MAP1B: variants seen among roughly 807,000 people sequenced by gnomAD.
MAP1B encodes the protein microtubule-associated protein 1B.
MAP1B carries 12 observed loss-of-function variants against 176.1 expected under a neutral mutation model. The observed-to-expected ratio is 0.07, with a 90% confidence interval of 0.04 to 0.11. The LOEUF is 0.11. Among genes scored for constraint, MAP1B ranks in the 10% least tolerant of loss-of-function variants. MAP1B has a pLI of 1.00. For synonymous variants in MAP1B, 1,044 were observed against 1,135.0 expected, an observed-to-expected ratio of 0.92 and a Z score of 1.61; for missense variants, 2,523 against 2,990.5, an observed-to-expected ratio of 0.84 and a Z score of 3.65.
Position 72,196,487 on chromosome 5 carries a change from T to C in MAP1B, c.3132T>C (p.Tyr1044=), listed in dbSNP as rs749575018. 3.1e-6 allele frequency: 5 copies of C among 1,613,710 alleles called. No homozygotes were observed. The highest frequency in any genetic ancestry group is 4.2e-6 in the Non-Finnish European group (5 of 1,180,006). ...YEPEKMEAED[Y]VMAVVDKAAE... ...CGGAAAAAATGGAAGCTGAAGACTATGTGATGGCTGTGGTCGACAAGGCTG... is the reference window on the plus strand; with the variant it reads ...CGGAAAAAATGGAAGCTGAAGACTACGTGATGGCTGTGGTCGACAAGGCTG... Residue 1044 remains tyrosine (Y), a synonymous_variant, in exon 5 of 7, where the codon TAT becomes TAC. Coordinates refer to ENST00000296755, the MANE Select transcript of MAP1B (RefSeq NM_005909.5). This position sits in a 1 kb window ranked among gnomAD's most constrained non-coding sequence, Gnocchi z 5.3.
intron 2 of MAP1B, among the ~76,000 whole-genome samples, chr5:72,134,087 CT>C (rs1242252274): frequency 6.6e-6 from 1 of 152,120 alleles, no homozygotes; most frequent in African/African-American, 2.4e-5. Flanking sequence ...TCTTTTTTAA[CT>C]TTAGTTTTCA....
Position 72,194,697 on chromosome 5 carries a change from A to T in MAP1B, c.1342A>T (p.Lys448Ter), listed in dbSNP as rs770530337. The T allele has an allele frequency of 6.2e-7, 1 of 1,614,220 alleles. No individual in the cohort carries two copies. The highest frequency in any genetic ancestry group is 8.5e-7 in the Non-Finnish European group (1 of 1,180,042). The change falls in exon 5 of 7, where the codon AAG (lysine) becomes TAG (stop). Residue 448 changes from lysine (K) to a stop codon, truncating the protein, a stop_gained. Transcript: ENST00000296755. LOFTEE classifies it high-confidence loss of function. This position sits in a 1 kb window ranked among gnomAD's most constrained non-coding sequence, Gnocchi z 7.2. ...GCAGTGGACTGGTACCAACAAAGAC[A>T]AGGCTGAATTCATTCTGCCTAATGG... ...MQQWTGTNKD[K>*]AEFILPNGQE...
At chr5:72,135,668 T>C (rs962699448) in intron 2 of MAP1B, among the ~76,000 whole-genome samples, 2 of 152,132 alleles carry the variant, frequency 1.3e-5, no homozygotes, top group African/African-American at 4.8e-5. Flanking sequence ...GATCCCAGAA[T>C]GTTCCTAGCA....
intron 2 of MAP1B, among the ~76,000 whole-genome samples, chr5:72,120,985 G>A (rs1013141691): frequency 7.9e-5 from 12 of 152,192 alleles, no homozygotes; most frequent in African/African-American, 7.2e-5. Context: ...CTCAGAAGGC[G>A]CAGAGCTGCT....
Position 72,196,594 on chromosome 5 carries a change from A to G in MAP1B, c.3239A>G (p.Glu1080Gly). 2 of 1,613,942 alleles carry G rather than the reference A, an allele frequency of 1.2e-6. No homozygotes were observed. The highest frequency in any genetic ancestry group is 2.2e-5 in the South Asian group (2 of 91,070). Reference protein sequence around the residue: ...KQLGAQSPGREPASSIHDETL... With the variant: ...KQLGAQSPGRGPASSIHDETL... The stretch of plus-strand genomic sequence containing the variant: ...CTAGGAGCCCAGTCTCCTGGCCGAG[A>G]ACCTGCATCTTCAATTCATGATGAG... Residue 1080 changes from glutamate (E) to glycine (G), a missense_variant, in exon 5 of 7, where the codon GAA (glutamate) becomes GGA (glycine). Glu to Gly is a moderately conservative substitution (Grantham distance 98, BLOSUM62 -2). Coordinates refer to ENST00000296755, the MANE Select transcript of MAP1B (RefSeq NM_005909.5). The surrounding 1 kb of genome is among the most constrained non-coding windows in gnomAD (Gnocchi z 5.3).
At position 72,186,650 on chromosome 5, in the gene MAP1B, C is replaced by G. The variant is rs1202830721; in HGVS notation, c.406C>G (p.Leu136Val). The G allele has an allele frequency of 1.2e-6, 2 of 1,614,242 alleles. No individual in the cohort carries two copies. Among genetic ancestry groups the G allele is most frequent in the Non-Finnish European group, 1.7e-6 (2 of 1,180,054 alleles). ...LMITDAARHK[L>V]LVLTGQCFEN... ...GATCACTGATGCTGCCCGACACAAG[C>G]TGCTCGTGCTGACCGGGCAGTGCTT... The change falls in exon 4 of 7, where the codon CTG becomes GTG. Residue 136 changes from leucine to valine, a missense_variant. Leu to Val is a conservative substitution (Grantham distance 32). Around this residue, in one of 4 missense-constraint regions of MAP1B, gnomAD observed 307 missense variants for 438.4 expected, o/e 0.70. Coordinates refer to ENST00000296755, the MANE Select transcript of MAP1B (RefSeq NM_005909.5). This position sits in a 1 kb window ranked among gnomAD's most constrained non-coding sequence, Gnocchi z 4.3.
At chr5:72,188,096 A>C (rs1010264233) in intron 4 of MAP1B, among the ~76,000 whole-genome samples, 1 of 152,122 alleles carries the variant, frequency 6.6e-6, no homozygotes. Context: ...CTCGGTATCC[A>C]TTGCACCTGC....
intron 2 of MAP1B, among the ~76,000 whole-genome samples, chr5:72,161,989 GAAAGA>G (rs1746338041): frequency 7.1e-6 from 1 of 141,796 alleles, no homozygotes; most frequent in African/African-American, 2.6e-5. Context: ...AAGAAAGAAA[GAAAGA>G]AAAGAAAAAA....
At chr5:72,108,964 G>C (rs1168434239) in intron 1 of MAP1B, among the ~76,000 whole-genome samples, 2 of 152,248 alleles carry the variant, frequency 1.3e-5, no homozygotes, top group East Asian at 1.9e-4. Flanking sequence ...GGAGACACCG[G>C]TTGGTGGGCG....
chr5:72,145,331 TA>T (rs1746025638), intron 2 of MAP1B, among the ~76,000 whole-genome samples: 1 of 152,008 alleles, frequency 6.6e-6, no homozygotes, highest in Admixed American at 6.6e-5. Flanking sequence ...AGAATGATAT[TA>T]AGCACAGAAT....
rs796458090 is a variant in MAP1B at position 72,123,472 on chromosome 5, G to T, written c.286+7673G>T. Among the ~76,000 whole-genome samples the T allele has an allele frequency of 6.3e-4, 93 of 148,074 alleles. 1 individual carries two copies. The highest frequency in any genetic ancestry group is 2.1e-3 in the African/African-American group (84 of 40,094). On this transcript the variant is annotated intron_variant, in intron 2 of 6. Coordinates refer to ENST00000296755, the MANE Select transcript of MAP1B (RefSeq NM_005909.5). ...GCCTGCCACTATGCCCAGCTAATTT[G>T]TTTTTTTTGTTTTTTTTTTAGTTTT... is the stretch of plus-strand genomic sequence containing the variant.
chr5:72,113,462 A>G (rs1219871517), intron 1 of MAP1B, among the ~76,000 whole-genome samples: 1 of 152,248 alleles, frequency 6.6e-6, no homozygotes, highest in Non-Finnish European at 1.5e-5. Flanking sequence ...AATTACAAAT[A>G]TGTCAAAAAT....
Position 72,203,797 on chromosome 5 carries a change from T to G in MAP1B, c.7247T>G (p.Met2416Arg). The G allele has an allele frequency of 6.2e-7, 1 of 1,612,268 alleles. No individual in the cohort carries two copies. The change falls in exon 6 of 7, where the codon ATG becomes AGG. Residue 2416 changes from methionine to arginine, a missense_variant. This residue lies in a region of MAP1B where 287 missense variants were observed against 401.5 expected (regional missense o/e 0.71). Coordinates refer to ENST00000296755, the MANE Select transcript of MAP1B (RefSeq NM_005909.5). ...LEGKAQWGSN[M>R]QVTLIPTHDS... Reference sequence around the variant, plus strand: ...GGAAAGGCTCAGTGGGGCAGCAACATGCAGGTGAGAACTCCTCGACAGTGT... The same window carrying G: ...GGAAAGGCTCAGTGGGGCAGCAACAGGCAGGTGAGAACTCCTCGACAGTGT...
intron 2 of MAP1B, among the ~76,000 whole-genome samples, chr5:72,118,485 A>G (rs1289989474): frequency 6.6e-6 from 1 of 152,218 alleles, no homozygotes; most frequent in Non-Finnish European, 1.5e-5. Context: ...AACAAAACAA[A>G]TACAGTCATT....
In MAP1B at chr5:72,197,974, A is replaced by T; in HGVS notation, c.4619A>T (p.Glu1540Val). 1.9e-6 allele frequency: 3 copies of T among 1,614,216 alleles called. No homozygotes were observed. Among genetic ancestry groups the T allele is most frequent in the Non-Finnish European group, 2.5e-6 (3 of 1,180,036 alleles). Residue 1540 changes from glutamate to valine, a missense_variant, in exon 5 of 7, where the codon GAA becomes GTA. Physicochemically the swap from Glu to Val is moderately radical, Grantham distance 121. Coordinates refer to ENST00000296755, the MANE Select transcript of MAP1B (RefSeq NM_005909.5). ...SATPVDEGVA[E>V]DTYSHMEGVA... ...ACTCCTGTTGATGAGGGCGTAGCAG[A>T]AGACACGTACTCTCATATGGAGGGT...
At chr5:72,110,518 T>C (rs1377983808) in intron 1 of MAP1B, among the ~76,000 whole-genome samples, 1 of 152,222 alleles carries the variant, frequency 6.6e-6, no homozygotes, top group Non-Finnish European at 1.5e-5. Context: ...AGGCTGGTCC[T>C]GTTTTCCTGT....
chr5:72,123,959 T>A (rs940183701), intron 2 of MAP1B, among the ~76,000 whole-genome samples: 3 of 152,272 alleles, frequency 2.0e-5, no homozygotes, highest in Non-Finnish European at 4.4e-5. Context: ...GCGAACTGTG[T>A]ATATGTGTCA....
chr5:72,138,598 T>C (rs1406381473), intron 2 of MAP1B, among the ~76,000 whole-genome samples: 1 of 152,228 alleles, frequency 6.6e-6, no homozygotes, highest in Non-Finnish European at 1.5e-5. Context: ...TTTCTCTATG[T>C]GAAAAACTGG....
intron 3 of MAP1B, among the ~76,000 whole-genome samples, chr5:72,185,404 G>A (rs1279575005): frequency 6.6e-6 from 1 of 152,062 alleles, no homozygotes; most frequent in Non-Finnish European, 1.5e-5. Flanking sequence ...TTACAGCCTG[G>A]GCAACATGGT....
Sources: allele counts gnomAD v4.1 joint callset (sites outside exome capture counted in the v4.1 genomes callset), GRCh38; gene constraint gnomAD v4.1.1; regional missense constraint gnomAD v4.1.1; non-coding constraint Gnocchi (gnomAD v3.1); transcripts MANE v1.5; gene names NCBI Gene and HGNC (gene_info 2026-07-23, HGNC 2026-07-21).